Variants in ZC3H7B observed in about 807,000 individuals in gnomAD.
ZC3H7B encodes the protein zinc finger CCCH domain-containing protein 7B.
A neutral mutation model predicts 116.0 loss-of-function variants in ZC3H7B; 35 were observed. The observed-to-expected ratio is 0.30, with a 90% confidence interval of 0.23 to 0.40. ZC3H7B has a LOEUF of 0.40. Ranked by LOEUF, ZC3H7B falls within the 10% of genes least tolerant of loss-of-function variation. The pLI is 1.00. For synonymous variants in ZC3H7B, 502 were observed against 545.6 expected (o/e 0.92, Z 1.11); for missense variants, 1,011 against 1,321.5 (o/e 0.77, Z 3.64).
chr22:41,350,038 T>G (rs1189141879), intron 16 of ZC3H7B, among the ~76,000 whole-genome samples: 1 of 152,116 alleles, frequency 6.6e-6, no homozygotes, highest in African/African-American at 2.4e-5. Flanking sequence ...CTCAGTGTTA[T>G]GAGGAAGATA....
At chr22:41,309,570 C>T (rs913179437) in intron 1 of ZC3H7B, among the ~76,000 whole-genome samples, 1 of 152,148 alleles carries the variant, frequency 6.6e-6, no homozygotes, top group African/African-American at 2.4e-5. Context: ...CCACCTCAGC[C>T]TCCCAAAGTG....
In ZC3H7B at chr22:41,318,724, C is replaced by T. The variant is rs563461709; in HGVS notation, c.-6-1931C>T. Among the ~76,000 whole-genome samples, 9 of 151,988 alleles carry T rather than the reference C, an allele frequency of 5.9e-5. No individual in the cohort carries two copies. In the East Asian group the frequency reaches 9.7e-4, roughly 16 times the overall value. ...GCCATTCTGGGCAACAGAGTGAAAC[C>T]GTCTCAGAAAAGAAAATGAAAATAC... On this transcript the variant is annotated intron_variant, in intron 1 of 22. Coordinates refer to ENST00000352645, the MANE Select transcript of ZC3H7B (RefSeq NM_017590.6).
intron 2 of ZC3H7B, among the ~76,000 whole-genome samples, chr22:41,321,213 A>ATTTT (rs71847593): frequency 2.3e-5 from 3 of 129,828 alleles, no homozygotes; most frequent in East Asian, 2.3e-4. Context: ...TACCCAGCTA[A>ATTTT]TTTTTTTTTT....
rs1215672481 is a variant in ZC3H7B, at chr22:41,327,647, A to G, written c.444+283A>G. ...CTCATTTTAAAGATGATGAGGCCAG[A>G]CACAGTGGCTCACGCCTGTAATCTC... is the stretch of plus-strand genomic sequence containing the variant. On this transcript the variant is annotated intron_variant, in intron 5 of 22. Transcript: ENST00000352645. The surrounding 1 kb of genome is among the most constrained non-coding windows in gnomAD (Gnocchi z 4.5). Among the ~76,000 whole-genome samples the G allele has an allele frequency of 1.3e-5, 2 of 152,258 alleles. No homozygotes were observed. The highest frequency in any genetic ancestry group is 2.9e-5 in the Non-Finnish European group (2 of 68,046).
rs1418780963 is a variant in ZC3H7B, at chr22:41,330,002, CCT to C, written c.445-20_445-19del. On this transcript the variant is annotated intron_variant, in intron 5 of 22. Transcript: ENST00000352645. Reference sequence around the variant, plus strand: ...GAGCCCGGGCAGACTGACCCACCGCCCTGTGTCTTGTCCTCTGCAGGATGAAA... The same window carrying C: ...GAGCCCGGGCAGACTGACCCACCGCCGTGTCTTGTCCTCTGCAGGATGAAA... 1.2e-6 allele frequency: 2 copies of C among 1,613,252 alleles called. No homozygotes were observed. Among genetic ancestry groups the C allele is most frequent in the East Asian group, 2.2e-5 (1 of 44,858 alleles).
rs1199868446 is a variant in ZC3H7B at position 41,346,827 on chromosome 22, G to A, written c.1665+619G>A. ...AAAAATTAAAAATTAGCTGGGCTTGGTGGCATGCGCCTCCCGTCCCAGTTA... is the reference window on the plus strand; with the variant it reads ...AAAAATTAAAAATTAGCTGGGCTTGATGGCATGCGCCTCCCGTCCCAGTTA... On this transcript the variant is annotated intron_variant, in intron 14 of 22. Coordinates refer to ENST00000352645, the MANE Select transcript of ZC3H7B (RefSeq NM_017590.6). The surrounding 1 kb of genome is among the most constrained non-coding windows in gnomAD (Gnocchi z 5.3). Among the ~76,000 whole-genome samples the A allele has an allele frequency of 6.6e-6, 1 of 152,020 alleles. No individual in the cohort carries two copies. The highest frequency in any genetic ancestry group is 1.5e-5 in the Non-Finnish European group (1 of 68,014).
At chr22:41,348,836 G>A (rs2281330) in intron 15 of ZC3H7B, among the ~76,000 whole-genome samples, 13,336 of 152,238 alleles carry the variant, frequency 0.088, 1,847 homozygotes, top group East Asian at 0.45. Flanking sequence ...CGGCTCTGCA[G>A]AATCAAGCTG....
intron 20 of ZC3H7B, 54 bp from the exon 21 acceptor site, chr22:41,356,289 C>A: frequency 6.2e-7 from 1 of 1,609,490 alleles, no homozygotes; most frequent in Non-Finnish European, 8.5e-7. Flanking sequence ...GACCATGGGG[C>A]AGAATGGATG....
chr22:41,343,479 G>T lies in ZC3H7B; in HGVS notation c.1362G>T (p.Leu454=). Reference sequence around the variant, plus strand: ...AGCACAAGTGCAAGCGGGACATCCTGCTCGGCCGGCTCCGGAGCTCGGAGG... The same window carrying T: ...AGCACAAGTGCAAGCGGGACATCCTTCTCGGCCGGCTCCGGAGCTCGGAGG... The part of the protein sequence containing the change: ...GLEHKCKRDI[L]LGRLRSSEDQ... Residue 454 remains leucine (L), a synonymous_variant, in exon 13 of 23, where the codon CTG becomes CTT. Coordinates refer to ENST00000352645, the MANE Select transcript of ZC3H7B (RefSeq NM_017590.6). 1 of 1,613,876 alleles carries T rather than the reference G, an allele frequency of 6.2e-7. No homozygotes were observed. The highest frequency in any genetic ancestry group is 1.1e-5 in the South Asian group (1 of 91,060).
At chr22:41,330,156 A>C (rs777826402) in intron 6 of ZC3H7B, 53 bp downstream of exon 6, 1 of 1,596,496 alleles carries the variant, frequency 6.3e-7, no homozygotes, top group Admixed American at 1.7e-5. Flanking sequence ...GGAGGTCTGA[A>C]GGGAGGGACC....
intron 1 of ZC3H7B, among the ~76,000 whole-genome samples, chr22:41,319,703 G>T (rs1049199622): frequency 6.6e-6 from 1 of 151,266 alleles, no homozygotes; most frequent in Non-Finnish European, 1.5e-5. Flanking sequence ...TTATTGTCGT[G>T]TGCCTCTCCA....
rs1279777052 is a variant in ZC3H7B, at chr22:41,357,763, C to A, written c.*334C>A. On this transcript the variant is annotated 3_prime_UTR_variant, in exon 23 of 23. Coordinates refer to ENST00000352645, the MANE Select transcript of ZC3H7B (RefSeq NM_017590.6). This position sits in a 1 kb window ranked among gnomAD's most constrained non-coding sequence, Gnocchi z 5.4. ...GTCTGCTCCTAATGGGGGCCCAAAGCTCAGGGCTGGGGAGCCTGGGGTCCC... is the reference window on the plus strand; with the variant it reads ...GTCTGCTCCTAATGGGGGCCCAAAGATCAGGGCTGGGGAGCCTGGGGTCCC... The A allele has an allele frequency of 1.7e-5, 6 of 355,476 alleles. No homozygotes were observed. Among genetic ancestry groups the A allele is most frequent in the Non-Finnish European group, 2.6e-5 (5 of 189,102 alleles). 22.0% of individuals were successfully genotyped at this position (355,476 alleles called of 1,614,324 possible).
At chr22:41,331,415 G>C (rs1601778848) in intron 6 of ZC3H7B, among the ~76,000 whole-genome samples, 1 of 150,008 alleles carries the variant, frequency 6.7e-6, no homozygotes, top group Admixed American at 6.6e-5. Flanking sequence ...AATTAGCGGG[G>C]GTGGTAGCGA....
At chr22:41,315,350 G>GGGTT (rs2036168346) in intron 1 of ZC3H7B, among the ~76,000 whole-genome samples, 1 of 78,712 alleles carries the variant, frequency 1.3e-5, no homozygotes. Context: ...CTAATTTCTA[G>GGGTT]TGTTTTTTTT....
chr22:41,329,407 C>T (rs963086717), intron 5 of ZC3H7B, among the ~76,000 whole-genome samples: 2 of 151,708 alleles, frequency 1.3e-5, no homozygotes, highest in African/African-American at 4.8e-5. Context: ...TACAGGCACC[C>T]ACCACCATGC....
chr22:41,328,603 C>G (rs752154385), intron 5 of ZC3H7B, among the ~76,000 whole-genome samples: 3 of 152,180 alleles, frequency 2.0e-5, no homozygotes, highest in Non-Finnish European at 4.4e-5. Context: ...CTCCATGAGG[C>G]CTGGGCCCAT....
chr22:41,309,643 C>T (rs1040499341), intron 1 of ZC3H7B, among the ~76,000 whole-genome samples: 1 of 152,148 alleles, frequency 6.6e-6, no homozygotes, highest in African/African-American at 2.4e-5. Flanking sequence ...CTCCATGCCA[C>T]GCTTCCTGCT....
chr22:41,325,574 C>T lies in ZC3H7B; in HGVS notation c.64C>T (p.Pro22Ser). 6.2e-7 allele frequency: 1 copy of T among 1,611,436 alleles called. No homozygotes were observed. Among genetic ancestry groups the T allele is most frequent in the Non-Finnish European group, 8.5e-7 (1 of 1,178,934 alleles). The change falls in exon 3 of 23, where the codon CCC (proline) becomes TCC (serine). Residue 22 changes from proline (P) to serine (S), a missense_variant. Coordinates refer to ENST00000352645, the MANE Select transcript of ZC3H7B (RefSeq NM_017590.6). ...KGLQFIQSTL[P>S]LKQEEYEAFL... ...TTCTTTTCCTGATAGGTCGACACTA[C>T]CCCTAAAGCAAGAAGAATATGAGGT... is the stretch of plus-strand genomic sequence containing the variant.
rs781225037 is a variant in ZC3H7B at position 41,325,916 on chromosome 22, A to G, written c.283A>G (p.Met95Val). ...CAATAGGGCCGCCTGCTACTTCACC[A>G]TGGTGAGCCTGGCACCCTCTTTTCT... The part of the protein sequence containing the change: ...HVNRAACYFT[M>V]GLYEKALEDS... Residue 95 changes from methionine to valine, a missense_variant and splice_region_variant, in exon 4 of 23, where the codon ATG becomes GTG. Met to Val is a conservative substitution (Grantham distance 21). Around this residue, in one of 5 missense-constraint regions of ZC3H7B, gnomAD observed 322 missense variants for 443.9 expected, o/e 0.73. Coordinates refer to ENST00000352645, the MANE Select transcript of ZC3H7B (RefSeq NM_017590.6). 5 of 1,603,220 alleles carry G rather than the reference A, an allele frequency of 3.1e-6. No individual in the cohort carries two copies. The highest frequency in any genetic ancestry group is 3.4e-6 in the Non-Finnish European group (4 of 1,175,978).
Sources: gnomAD v4.1 joint callset for allele counts (sites outside exome capture counted in the v4.1 genomes callset) on GRCh38, gnomAD v4.1.1 for gene constraint, gnomAD v4.1.1 regional missense constraint, Gnocchi (gnomAD v3.1) non-coding constraint, MANE v1.5 for transcripts, NCBI Gene and HGNC (gene_info 2026-07-23, HGNC 2026-07-21) for gene names.